The following FBLN1 variants were observed in gnomAD, a reference collection of about 807,000 sequenced individuals.
FBLN1 encodes fibulin-1.
Under a neutral mutation model 89.7 loss-of-function variants are expected in FBLN1, and 34 were observed. That is an observed-to-expected ratio of 0.38 (90% CI 0.29 to 0.50). The LOEUF (loss-of-function observed/expected upper bound fraction) is 0.50. Ranked by LOEUF, FBLN1 falls within the 20% of genes least tolerant of loss-of-function variation. The probability of loss-of-function intolerance (pLI) is 0.92; values close to 1 mark genes in which losing one functional copy is unlikely to be tolerated. For synonymous variants in FBLN1, 393 were observed against 391.3 expected (o/e 1.00, Z -0.05); for missense variants, 777 against 988.1 (o/e 0.79, Z 2.86).
intron 4 of FBLN1, 102 bp downstream of exon 4, chr22:45,528,111 C>T: frequency 2.2e-6 from 3 of 1,334,804 alleles, no homozygotes; most frequent in South Asian, 2.4e-5. Flanking sequence ...GGACTTGGCT[C>T]ATGTGATCGT....
chr22:45,544,722 C>T (rs931006277), intron 11 of FBLN1, among the ~76,000 whole-genome samples: 3 of 152,146 alleles, frequency 2.0e-5, no homozygotes, highest in Non-Finnish European at 2.9e-5. Context: ...ATGGCAGCCA[C>T]GCTGAAGTTG....
Position 45,532,182 on chromosome 22 carries a change from G to T in FBLN1, c.544+858G>T, listed in dbSNP as rs994155903. ...GTGTACAGTGACAGTTGGTCCAGGGGCGCTGTCCAGGGGCCTGGTGGAGGG... is the reference window on the plus strand; with the variant it reads ...GTGTACAGTGACAGTTGGTCCAGGGTCGCTGTCCAGGGGCCTGGTGGAGGG... On this transcript the variant is annotated intron_variant, in intron 5 of 16. Coordinates refer to ENST00000327858, the MANE Select transcript of FBLN1 (RefSeq NM_006486.3). The surrounding 1 kb of genome is among the most constrained non-coding windows in gnomAD (Gnocchi z 4.2). 2.0e-5 allele frequency among the ~76,000 whole-genome samples: 3 copies of T among 152,148 alleles called. No homozygotes were observed. The highest frequency in any genetic ancestry group is 7.2e-5 in the African/African-American group (3 of 41,448).
intron 2 of FBLN1, among the ~76,000 whole-genome samples, chr22:45,522,442 C>T (rs1005230012): frequency 1.5e-4 from 23 of 152,190 alleles, no homozygotes; most frequent in Admixed American, 3.9e-4. Context: ...GCCCTCCTGG[C>T]AGCAGTCGAG....
At chr22:45,547,496 A>G (rs1449263748) in intron 12 of FBLN1, among the ~76,000 whole-genome samples, 1 of 147,764 alleles carries the variant, frequency 6.8e-6, no homozygotes, top group Non-Finnish European at 1.5e-5. Context: ...CCCAGGCTCA[A>G]GTGATCCTCC....
intron 16 of FBLN1, among the ~76,000 whole-genome samples, chr22:45,594,726 A>ATGGATAGATGGATGGGTGAG (rs1414161581): frequency 6.7e-6 from 1 of 149,394 alleles, no homozygotes; most frequent in Non-Finnish European, 1.5e-5. Flanking sequence ...GGATGGATGG[A>ATGGATAGATGGATGGGTGAG]TGGATAGATG....
chr22:45,569,772 A>G (rs1238658291), intron 14 of FBLN1, among the ~76,000 whole-genome samples: 1 of 152,210 alleles, frequency 6.6e-6, no homozygotes, highest in Non-Finnish European at 1.5e-5. Flanking sequence ...GAGAGGCCTC[A>G]GAAAGAACCA....
At chr22:45,543,630 G>C in intron 11 of FBLN1, 104 bp downstream of exon 11, 1 of 1,426,766 alleles carries the variant, frequency 7.0e-7, no homozygotes, top group African/African-American at 1.4e-5. Flanking sequence ...TGGTTTCCCT[G>C]TTAAATGACA....
At chr22:45,507,161 G>C (rs1258589130) in intron 1 of FBLN1, among the ~76,000 whole-genome samples, 1 of 152,168 alleles carries the variant, frequency 6.6e-6, no homozygotes, top group African/African-American at 2.4e-5. Flanking sequence ...CGGGGCTGGG[G>C]CTGGGCCTAG....
At position 45,523,036 on chromosome 22, in the gene FBLN1, TG is replaced by T. The variant is rs2088271506; in HGVS notation, c.186-2502del. 6.2e-6 allele frequency: 4 copies of T among 649,940 alleles called. No homozygotes were observed. The Admixed American group carries it at 8.7e-5, about 14-fold the overall frequency. The allele number at this position is 649,940 out of a possible 1,614,324, so 40.3% of individuals were successfully genotyped here. A position where few individuals can be genotyped will look rare whatever the true frequency, so the allele number is the denominator to read the frequency against. On this transcript the variant is annotated intron_variant, in intron 2 of 16. Transcript: ENST00000327858. ...GTTTGTAGGAAGGCAGGATGTGCCG[TG>T]GGGGAAACAGGGAGGCATAGGGGCT... is the stretch of plus-strand genomic sequence containing the variant.
intron 1 of FBLN1, among the ~76,000 whole-genome samples, chr22:45,511,490 A>C (rs1346510694): frequency 7.0e-6 from 1 of 142,396 alleles, no homozygotes; most frequent in East Asian, 2.1e-4. Flanking sequence ...TCTGTCACCC[A>C]GGATGGAGTA....
rs1166274313 is a variant in FBLN1 at position 45,596,190 on chromosome 22, C to G, written c.1973-4117C>G. ...GGCCAAAGGTTGCTGTTTTTAATCC[C>G]TGTTCATAGAAGAGGAAATTGAGAC... On this transcript the variant is annotated intron_variant, in intron 16 of 16. Transcript: ENST00000327858. Among the ~76,000 whole-genome samples the G allele has an allele frequency of 2.0e-5, 3 of 152,192 alleles. No individual in the cohort carries two copies. The East Asian group carries it at 5.8e-4, about 29-fold the overall frequency.
intron 16 of FBLN1, among the ~76,000 whole-genome samples, chr22:45,586,654 A>G (rs1396203931): frequency 6.6e-6 from 1 of 152,224 alleles, no homozygotes; most frequent in Non-Finnish European, 1.5e-5. Context: ...CCACGGACAC[A>G]TGCCTGAGCC....
chr22:45,596,864 CTTTAAACTA>C (rs200452062), intron 16 of FBLN1, among the ~76,000 whole-genome samples: 2,405 of 128,708 alleles, frequency 0.019, 60 homozygotes, highest in African/African-American at 0.084. Flanking sequence ...ATAAAATACA[CTTTAAACTA>C]TTTAAAATAC....
At chr22:45,544,225 T>C (rs914301503) in intron 11 of FBLN1, among the ~76,000 whole-genome samples, 2 of 152,308 alleles carry the variant, frequency 1.3e-5, no homozygotes, top group East Asian at 3.9e-4. Flanking sequence ...TAGCTGGGAT[T>C]ACAGGTGCAC....
intron 16 of FBLN1, among the ~76,000 whole-genome samples, chr22:45,589,502 AGGGACATT>A (rs1569267829): frequency 6.6e-6 from 1 of 152,238 alleles, no homozygotes; most frequent in Non-Finnish European, 1.5e-5. Context: ...GGCCTGGAAA[AGGGACATT>A]GAGGACGTGG....
intron 1 of FBLN1, among the ~76,000 whole-genome samples, chr22:45,511,666 C>T (rs978053154): frequency 2.0e-5 from 3 of 152,010 alleles, no homozygotes; most frequent in Admixed American, 6.6e-5. Flanking sequence ...AGGCTGGTCT[C>T]GAACTCCTGG....
Position 45,575,060 on chromosome 22 carries a change from G to A in FBLN1, c.1840+407G>A, listed in dbSNP as rs986189399. Among the ~76,000 whole-genome samples the A allele has an allele frequency of 6.6e-6, 1 of 152,114 alleles. No homozygotes were observed. Among genetic ancestry groups the A allele is most frequent in the Non-Finnish European group, 1.5e-5 (1 of 68,006 alleles). Reference sequence around the variant, plus strand: ...GCCTCCCAAAGTGCTGGGATTACAGGCGTGAGCCACCGCGCCTGGCAACTT... The same window carrying A: ...GCCTCCCAAAGTGCTGGGATTACAGACGTGAGCCACCGCGCCTGGCAACTT... On this transcript the variant is annotated intron_variant, in intron 15 of 16. Coordinates refer to ENST00000327858, the MANE Select transcript of FBLN1 (RefSeq NM_006486.3). The surrounding 1 kb of genome is among the most constrained non-coding windows in gnomAD (Gnocchi z 6.3).
rs1184460113 is a variant in FBLN1, at chr22:45,532,873, C to T, written c.545-190C>T. On this transcript the variant is annotated intron_variant, in intron 5 of 16. Coordinates refer to ENST00000327858, the MANE Select transcript of FBLN1 (RefSeq NM_006486.3). The surrounding 1 kb of genome is among the most constrained non-coding windows in gnomAD (Gnocchi z 4.2). ...GAGGTTGGGACCTGAAGCAGCAGCC[C>T]CTGGGGGGTGTCCAGAGCCAGAGCC... The T allele has an allele frequency of 9.4e-6, 6 of 635,160 alleles. No individual in the cohort carries two copies. The highest frequency in any genetic ancestry group is 1.7e-5 in the Non-Finnish European group (6 of 352,442). 39.3% of individuals were successfully genotyped at this position (635,160 alleles called of 1,614,324 possible).
At chr22:45,592,928 C>T (rs1468103596) in intron 16 of FBLN1, among the ~76,000 whole-genome samples, 1 of 152,176 alleles carries the variant, frequency 6.6e-6, no homozygotes, top group Admixed American at 6.5e-5. Flanking sequence ...TCTCTTGATT[C>T]ATCATCTGGT....
Sources: allele counts gnomAD v4.1 joint callset (sites outside exome capture counted in the v4.1 genomes callset), GRCh38; gene constraint gnomAD v4.1.1; non-coding constraint Gnocchi (gnomAD v3.1); transcripts MANE v1.5; gene names NCBI Gene and HGNC (gene_info 2026-07-23, HGNC 2026-07-21).